The following SPPL3 variants were observed in gnomAD, a reference collection of about 807,000 sequenced individuals.
SPPL3 encodes the protein signal peptide peptidase like 3.
Under a neutral mutation model 42.4 loss-of-function variants are expected in SPPL3, and 5 were observed. The ratio of observed to expected loss-of-function variants is 0.12; its 90% confidence interval spans 0.06 to 0.25. The LOEUF (loss-of-function observed/expected upper bound fraction) is 0.25, where lower values mean the gene tolerates loss of function less well. SPPL3 is among the 10% of genes least tolerant of loss of function. The probability of loss-of-function intolerance (pLI) is 1.00; values close to 1 mark genes in which losing one functional copy is unlikely to be tolerated. For missense variants in SPPL3, 235 were observed against 489.0 expected (o/e 0.48, Z 4.90); for synonymous variants, 195 against 181.8 (o/e 1.07, Z -0.58).
chr12:120,802,432 T>TATATATA (rs67248082), intron 2 of SPPL3, among the ~76,000 whole-genome samples: 43 of 85,484 alleles, frequency 5.0e-4, no homozygotes, highest in African/African-American at 2.8e-3. Context: ...TATATATATA[T>TATATATA]TTTTTTTTTT....
intron 1 of SPPL3, among the ~76,000 whole-genome samples, chr12:120,833,843 G>A (rs1453145807): frequency 6.6e-6 from 1 of 151,298 alleles, no homozygotes; most frequent in Admixed American, 6.6e-5. Flanking sequence ...TTTAAGTGGT[G>A]AGATCCATTT....
At chr12:120,824,975 G>A (rs947968401) in intron 1 of SPPL3, among the ~76,000 whole-genome samples, 1 of 152,072 alleles carries the variant, frequency 6.6e-6, no homozygotes, top group Non-Finnish European at 1.5e-5. Flanking sequence ...AGATGGAATG[G>A]AACAAATGTT....
Position 120,898,314 on chromosome 12 carries a change from T to TA in SPPL3, c.23+5530dup, listed in dbSNP as rs869283065. ...AGACTCTGTTTTTTTTTTTTTTTTT[T>TA]AAAAAAAAAAAAAAAAAAAAAGATG... On this transcript the variant is annotated intron_variant, in intron 1 of 10. Transcript: ENST00000353487. Among the ~76,000 whole-genome samples the TA allele has an allele frequency of 6.7e-3, 429 of 64,308 alleles. 1 individual carries two copies. Among genetic ancestry groups the TA allele is most frequent in the African/African-American group, 0.011 (193 of 17,634 alleles). The allele number at this position is 64,308 out of a possible 152,430, so 42.2% of individuals were successfully genotyped here. A position where few individuals can be genotyped will look rare whatever the true frequency, so the allele number is the denominator to read the frequency against.
intron 2 of SPPL3, among the ~76,000 whole-genome samples, chr12:120,798,191 G>A (rs763115714): frequency 1.3e-5 from 2 of 152,028 alleles, no homozygotes; most frequent in Admixed American, 6.6e-5. Flanking sequence ...TCTGAAATAT[G>A]GTCAGGTGTC....
intron 2 of SPPL3, among the ~76,000 whole-genome samples, chr12:120,798,328 C>T (rs754748977): frequency 1.3e-5 from 2 of 152,138 alleles, no homozygotes; most frequent in Non-Finnish European, 2.9e-5. Flanking sequence ...GAGATTAAAA[C>T]GTACACTTAC....
intron 1 of SPPL3, among the ~76,000 whole-genome samples, chr12:120,830,606 A>AGAGAGAGAGAGAGAGAGAGAGAGAGAG (rs377406347): frequency 6.4e-5 from 8 of 124,638 alleles, no homozygotes; most frequent in South Asian, 2.8e-4. Context: ...AGAGAGAGAG[A>AGAGAGAGAGAGAGAGAGAGAGAGAGAG]AGGTGTACAT....
At chr12:120,834,793 A>G (rs1871551328) in intron 1 of SPPL3, among the ~76,000 whole-genome samples, 1 of 152,220 alleles carries the variant, frequency 6.6e-6, no homozygotes, top group Admixed American at 6.5e-5. Flanking sequence ...ACAAGTGTTC[A>G]TAACTGTGTG....
chr12:120,812,138 G>C (rs1714809734), intron 1 of SPPL3, among the ~76,000 whole-genome samples: 1 of 150,420 alleles, frequency 6.6e-6, no homozygotes, highest in Non-Finnish European at 1.5e-5. Flanking sequence ...AGGAGGAACA[G>C]ATTTTTTTTT....
chr12:120,853,433 A>G (rs988818345), intron 1 of SPPL3, among the ~76,000 whole-genome samples: 11 of 152,326 alleles, frequency 7.2e-5, no homozygotes, highest in African/African-American at 2.6e-4. Context: ...TCTGACACCA[A>G]ACGTAAAATT....
chr12:120,789,590 C>G (rs1401036212), intron 3 of SPPL3, among the ~76,000 whole-genome samples: 2 of 151,586 alleles, frequency 1.3e-5, no homozygotes, highest in Non-Finnish European at 2.9e-5. Context: ...TTTGGAAGGC[C>G]GAAGTGGATG....
intron 1 of SPPL3, among the ~76,000 whole-genome samples, chr12:120,823,231 G>A (rs1473591857): frequency 1.9e-5 from 2 of 104,978 alleles, no homozygotes; most frequent in Non-Finnish European, 4.2e-5. Flanking sequence ...GTGGGGGGGC[G>A]GCGGCGGTGG....
At chr12:120,772,645 TA>T (rs1869165776) in intron 6 of SPPL3, among the ~76,000 whole-genome samples, 1 of 152,210 alleles carries the variant, frequency 6.6e-6, no homozygotes, top group Non-Finnish European at 1.5e-5. Flanking sequence ...ATTGTCAATA[TA>T]TGTAATAAAG....
At chr12:120,805,527 G>A (rs138548828) in intron 2 of SPPL3, among the ~76,000 whole-genome samples, 124 of 152,264 alleles carry the variant, frequency 8.1e-4, no homozygotes, top group African/African-American at 2.6e-3. Context: ...GGAGAAAAAG[G>A]GAAAAAGACA....
chr12:120,798,458 C>A (rs942573519), intron 2 of SPPL3, among the ~76,000 whole-genome samples: 2 of 152,186 alleles, frequency 1.3e-5, no homozygotes, highest in Non-Finnish European at 2.9e-5. Flanking sequence ...CCCCTGCCAA[C>A]GCACCTGTGG....
chr12:120,828,132 C>G (rs1871284914), intron 1 of SPPL3, among the ~76,000 whole-genome samples: 1 of 152,136 alleles, frequency 6.6e-6, no homozygotes, highest in African/African-American at 2.4e-5. Context: ...ACGAAATATG[C>G]TCTCCAACTA....
chr12:120,850,759 G>A (rs1435148813), intron 1 of SPPL3, among the ~76,000 whole-genome samples: 1 of 152,200 alleles, frequency 6.6e-6, no homozygotes, highest in Admixed American at 6.5e-5. Flanking sequence ...TTCCCTGTGA[G>A]GGCTCTGAGG....
chr12:120,838,388 G>A (rs1871692649), intron 1 of SPPL3, among the ~76,000 whole-genome samples: 1 of 152,102 alleles, frequency 6.6e-6, no homozygotes, highest in Non-Finnish European at 1.5e-5. Flanking sequence ...CTCACTCCCG[G>A]CTCCAGCTTA....
At chr12:120,765,094 G>A (rs201368977) in intron 10 of SPPL3, 24 bp from the exon 11 acceptor site, 49 of 1,611,310 alleles carry the variant, frequency 3.0e-5, no homozygotes, top group Non-Finnish European at 4.0e-5. Flanking sequence ...GACTTTCTAA[G>A]TTACAGATTT....
Position 120,832,666 on chromosome 12 carries a change from C to CA in SPPL3, c.24-21781dup, listed in dbSNP as rs755991061. Among the ~76,000 whole-genome samples, 627 of 135,322 alleles carry CA rather than the reference C, an allele frequency of 4.6e-3. 4 individuals carry two copies. Among genetic ancestry groups the CA allele is most frequent in the African/African-American group, 0.015 (539 of 36,532 alleles). 88.8% of individuals were successfully genotyped at this position (135,322 alleles called of 152,430 possible). ...GGGGAACAAGAACGAAACTCCGTCT[C>CA]AAAAAAAAAAAAGCTATTTGGAAAT... is the stretch of plus-strand genomic sequence containing the variant. On this transcript the variant is annotated intron_variant, in intron 1 of 10. Coordinates refer to ENST00000353487, the MANE Select transcript of SPPL3 (RefSeq NM_139015.5).
Sources: gnomAD v4.1 joint callset for allele counts (sites outside exome capture counted in the v4.1 genomes callset) on GRCh38, gnomAD v4.1.1 for gene constraint, MANE v1.5 for transcripts, NCBI Gene and HGNC (gene_info 2026-07-23, HGNC 2026-07-21) for gene names.